SMOC1: variants seen among roughly 807,000 people sequenced by gnomAD.
SMOC1 encodes the protein SPARC related modular calcium binding 1.
In SMOC1, 22 loss-of-function variants were observed where a neutral mutation model predicts 56.3. That is an observed-to-expected ratio of 0.39 (90% CI 0.28 to 0.56). The LOEUF (loss-of-function observed/expected upper bound fraction) is 0.56, where lower values mean the gene tolerates loss of function less well. Among genes scored for constraint, SMOC1 ranks in the 20% least tolerant of loss-of-function variants. SMOC1 has a pLI of 0.61. For synonymous variants in SMOC1, 193 were observed against 215.0 expected, an observed-to-expected ratio of 0.90 and a Z score of 0.89; for missense variants, 509 against 565.4, an observed-to-expected ratio of 0.90 and a Z score of 1.01.
intron 9 of SMOC1, among the ~76,000 whole-genome samples, chr14:70,012,630 G>A (rs986843694): frequency 7.9e-5 from 12 of 152,222 alleles, no homozygotes; most frequent in African/African-American, 2.9e-4. Flanking sequence ...CTTTGGAGAG[G>A]AGCACTGGGA....
At chr14:69,901,375 C>T (rs1381208950) in intron 1 of SMOC1, among the ~76,000 whole-genome samples, 4 of 152,174 alleles carry the variant, frequency 2.6e-5, no homozygotes, top group Non-Finnish European at 5.9e-5. Flanking sequence ...ATCCTAATTT[C>T]TGCAGTTTAA....
intron 3 of SMOC1, among the ~76,000 whole-genome samples, 178 bp from the exon 4 acceptor site, chr14:69,975,537 A>C (rs754891894): frequency 1.3e-5 from 2 of 152,156 alleles, no homozygotes; most frequent in Non-Finnish European, 2.9e-5. Context: ...GCAACCATGT[A>C]CCCAGTGCTG....
At chr14:70,013,266 TA>T in intron 9 of SMOC1, 119 bp from the exon 10 acceptor site, 2 of 865,072 alleles carry the variant, frequency 2.3e-6, no homozygotes, top group Non-Finnish European at 3.8e-6. Context: ...AACAAATCAC[TA>T]AAGTGGATTT....
intron 7 of SMOC1, among the ~76,000 whole-genome samples, chr14:70,000,835 A>G (rs957442717): frequency 2.6e-4 from 39 of 152,186 alleles, no homozygotes; most frequent in Admixed American, 6.5e-5. Flanking sequence ...CTCCTCACCC[A>G]TGACACTTCA....
Position 70,010,923 on chromosome 14 carries a change from C to A in SMOC1, c.834C>A (p.Arg278=), listed in dbSNP as rs1885312560. ...GGTGTGTGCTGGTGGACACAGGGCGCCCGCTGCCTGGGACCTCCACACGGT... is the reference window on the plus strand; with the variant it reads ...GGTGTGTGCTGGTGGACACAGGGCGACCGCTGCCTGGGACCTCCACACGGT... The part of the protein sequence containing the change: ...YCWCVLVDTG[R]PLPGTSTRYV... The change falls in exon 8 of 12, where the codon CGC becomes CGA. Residue 278 remains arginine (R), a synonymous_variant. Coordinates refer to ENST00000361956, the MANE Select transcript of SMOC1 (RefSeq NM_001034852.3). 2 of 1,612,894 alleles carry A rather than the reference C, an allele frequency of 1.2e-6. No homozygotes were observed. Among genetic ancestry groups the A allele is most frequent in the African/African-American group, 2.7e-5 (2 of 75,008 alleles).
intron 1 of SMOC1, among the ~76,000 whole-genome samples, chr14:69,889,924 T>C (rs759847427): frequency 4.6e-5 from 7 of 152,256 alleles, no homozygotes; most frequent in Non-Finnish European, 1.0e-4. Flanking sequence ...CTTTGCAGTT[T>C]AAGGACTCTT....
chr14:69,898,792 A>C (rs570750038), intron 1 of SMOC1, among the ~76,000 whole-genome samples: 1 of 152,086 alleles, frequency 6.6e-6, no homozygotes, highest in East Asian at 1.9e-4. Context: ...TCTGCTACTC[A>C]TGCTTGCTCT....
intron 1 of SMOC1, among the ~76,000 whole-genome samples, chr14:69,951,765 C>A (rs1384671812): frequency 1.3e-5 from 2 of 152,224 alleles, no homozygotes; most frequent in African/African-American, 4.8e-5. Context: ...GATTTAGGTT[C>A]TAATTCAGCC....
At chr14:69,985,303 A>G (rs574139972) in intron 5 of SMOC1, among the ~76,000 whole-genome samples, 215 of 152,308 alleles carry the variant, frequency 1.4e-3, no homozygotes, top group Admixed American at 5.9e-3. Flanking sequence ...CAAGAATAAC[A>G]TGGTACAGAC....
intron 1 of SMOC1, among the ~76,000 whole-genome samples, chr14:69,894,095 G>A (rs1030858722): frequency 1.3e-5 from 2 of 152,170 alleles, no homozygotes; most frequent in Non-Finnish European, 2.9e-5. Flanking sequence ...TACTCAGTCT[G>A]TGGTATTTTG....
rs969147736 is a variant in SMOC1 at position 69,962,370 on chromosome 14, G to A, written c.378+8838G>A. ...ATTAGAGATGGGGTTTCACCATGTCGGCCAGGCTGGTCTTAAACTCCTGAC... is the reference window on the plus strand; with the variant it reads ...ATTAGAGATGGGGTTTCACCATGTCAGCCAGGCTGGTCTTAAACTCCTGAC... On this transcript the variant is annotated intron_variant, in intron 3 of 11. Transcript: ENST00000361956. Among the ~76,000 whole-genome samples the A allele has an allele frequency of 9.2e-5, 14 of 152,068 alleles. 1 individual carries two copies. The South Asian group carries it at 1.0e-3, about 11-fold the overall frequency.
At chr14:69,938,169 A>G (rs930674275) in intron 1 of SMOC1, among the ~76,000 whole-genome samples, 7 of 152,124 alleles carry the variant, frequency 4.6e-5, no homozygotes, top group Non-Finnish European at 1.0e-4. Flanking sequence ...CTTCATGATA[A>G]TCCTATGACA....
At chr14:69,974,762 A>G (rs1883892667) in intron 3 of SMOC1, among the ~76,000 whole-genome samples, 2 of 152,146 alleles carry the variant, frequency 1.3e-5, no homozygotes, top group Non-Finnish European at 1.5e-5. Flanking sequence ...CCTTTTTGCT[A>G]TTCCCAGGCA....
intron 1 of SMOC1, among the ~76,000 whole-genome samples, chr14:69,949,893 C>T (rs190759400): frequency 2.0e-5 from 3 of 152,264 alleles, no homozygotes; most frequent in East Asian, 1.9e-4. Context: ...GGCTGGGGAT[C>T]GTGTGCAGGG....
intron 1 of SMOC1, among the ~76,000 whole-genome samples, chr14:69,885,129 A>G (rs1329300946): frequency 3.9e-5 from 6 of 152,046 alleles, no homozygotes; most frequent in Admixed American, 3.9e-4. Flanking sequence ...AATGTTTTAG[A>G]TATTTGTTAT....
Position 69,953,515 on chromosome 14 carries a change from G to A in SMOC1, c.361G>A (p.Asp121Asn), listed in dbSNP as rs373313170. The change falls in exon 3 of 12, where the codon GAT becomes AAT. Residue 121 changes from aspartate to asparagine, a missense_variant. Physicochemically the swap from Asp to Asn is conservative, Grantham distance 23. This residue lies in a region of SMOC1 where 315 missense variants were observed against 333.1 expected (regional missense o/e 0.95). Coordinates refer to ENST00000361956, the MANE Select transcript of SMOC1 (RefSeq NM_001034852.3). ...TGTGTTTGTCCCAGAGTGTGGCGAG[G>A]ATGGCTCCTTTACCCAGGTGAGGCC... ...EAVFVPECGEDGSFTQVQCHT... is the reference protein window; with the variant it reads ...EAVFVPECGENGSFTQVQCHT... 3.1e-6 allele frequency: 5 copies of A among 1,614,106 alleles called. No homozygotes were observed. The highest frequency in any genetic ancestry group is 3.4e-6 in the Non-Finnish European group (4 of 1,180,016).
chr14:70,011,469 A>ATC lies in SMOC1; in HGVS notation c.858-10_858-9dup. ...GCCAGCCCCTCCCAACCCCCCCCATATCTCTCTTTTCCCAGCTACGTGATG... is the reference window on the plus strand; with the variant it reads ...GCCAGCCCCTCCCAACCCCCCCCATATCTCTCTCTTTTCCCAGCTACGTGATG... On this transcript the variant is annotated splice_polypyrimidine_tract_variant and intron_variant, in intron 8 of 11. Coordinates refer to ENST00000361956, the MANE Select transcript of SMOC1 (RefSeq NM_001034852.3). 7.5e-7 allele frequency: 1 copy of ATC among 1,333,738 alleles called. No individual in the cohort carries two copies. The highest frequency in any genetic ancestry group is 1.1e-6 in the Non-Finnish European group (1 of 949,804). The allele number at this position is 1,333,738 out of a possible 1,614,324, so 82.6% of individuals were successfully genotyped here.
intron 7 of SMOC1, among the ~76,000 whole-genome samples, chr14:70,004,206 CTCT>C (rs1278688043): frequency 2.0e-5 from 3 of 152,312 alleles, no homozygotes; most frequent in East Asian, 1.9e-4. Flanking sequence ...TGGCTTGTGG[CTCT>C]TCTTCAGTTC....
At chr14:70,000,405 G>T (rs990872477) in intron 7 of SMOC1, among the ~76,000 whole-genome samples, 3 of 152,190 alleles carry the variant, frequency 2.0e-5, no homozygotes, top group African/African-American at 7.2e-5. Flanking sequence ...TAAAGCCAAT[G>T]AAGTTACTGA....
Sources: allele counts gnomAD v4.1 joint callset (sites outside exome capture counted in the v4.1 genomes callset), GRCh38; gene constraint gnomAD v4.1.1; regional missense constraint gnomAD v4.1.1; transcripts MANE v1.5; gene names NCBI Gene and HGNC (gene_info 2026-07-23, HGNC 2026-07-21).